Variants in ADGB observed in about 807,000 individuals in gnomAD.
ADGB encodes the protein calpain-7-like protein.
A neutral mutation model predicts 210.5 loss-of-function variants in ADGB; 172 were observed. The observed-to-expected ratio is 0.82, with a 90% confidence interval of 0.72 to 0.93. ADGB has a LOEUF of 0.93. ADGB is among the 40% of genes least tolerant of loss of function. ADGB has a pLI of 0.00. For missense variants in ADGB, 2,025 were observed against 1,964.8 expected (o/e 1.03, Z -0.58); for synonymous variants, 658 against 662.7 (o/e 0.99, Z 0.11).
chr6:146,706,748 T>C (rs1167159926), intron 13 of ADGB, among the ~76,000 whole-genome samples: 1 of 152,022 alleles, frequency 6.6e-6, no homozygotes, highest in Non-Finnish European at 1.5e-5. Flanking sequence ...TGCTTCCTTT[T>C]TTATTTCTGA....
At chr6:146,793,544 G>A (rs1777986985) in intron 33 of ADGB, among the ~76,000 whole-genome samples, 3 of 152,200 alleles carry the variant, frequency 2.0e-5, no homozygotes, top group South Asian at 2.1e-4. Flanking sequence ...GAAGTTATGA[G>A]TTGAGCTCAT....
chr6:146,807,509 A>C, intron 35 of ADGB: 1 of 1,551,650 alleles, frequency 6.4e-7, no homozygotes, highest in East Asian at 2.4e-5. Flanking sequence ...CTGCTCAGGA[A>C]GCCGCCATGA....
At position 146,675,206 on chromosome 6, in the gene ADGB, C is replaced by T. The variant is rs1037114473; in HGVS notation, c.1088-1107C>T. Among the ~76,000 whole-genome samples the T allele has an allele frequency of 1.1e-4, 17 of 152,134 alleles. No individual in the cohort carries two copies. In the East Asian group the frequency reaches 3.3e-3, roughly 29 times the overall value. ...TAGTTGCTCACACCTGTATTCCCAG[C>T]ACTTTAAGAGGCTGATGCAGGCAGA... On this transcript the variant is annotated intron_variant, in intron 8 of 35. Coordinates refer to ENST00000397944, the MANE Select transcript of ADGB (RefSeq NM_024694.4).
chr6:146,707,183 A>C (rs1331509714), intron 13 of ADGB, among the ~76,000 whole-genome samples: 2 of 151,976 alleles, frequency 1.3e-5, no homozygotes, highest in Non-Finnish European at 2.9e-5. Context: ...GACTCATTCC[A>C]TTGTGGTTAT....
At chr6:146,673,704 C>T (rs1194047314) in intron 8 of ADGB, among the ~76,000 whole-genome samples, 1 of 152,008 alleles carries the variant, frequency 6.6e-6, no homozygotes, top group African/African-American at 2.4e-5. Flanking sequence ...GGTAGAATTC[C>T]AAGCTGCAGA....
At chr6:146,807,122 A>G (rs1778223143) in intron 35 of ADGB, among the ~76,000 whole-genome samples, 1 of 152,230 alleles carries the variant, frequency 6.6e-6, no homozygotes, top group African/African-American at 2.4e-5. Flanking sequence ...TATTTGAAAT[A>G]ATTTAAACAG....
At chr6:146,614,095 G>A (rs888018579) in intron 1 of ADGB, among the ~76,000 whole-genome samples, 4 of 151,986 alleles carry the variant, frequency 2.6e-5, no homozygotes, top group African/African-American at 9.7e-5. Flanking sequence ...TGTATGAAAA[G>A]TTTAGTAACA....
chr6:146,640,111 A>G (rs34865758), intron 2 of ADGB, among the ~76,000 whole-genome samples: 28,501 of 151,974 alleles, frequency 0.19, 2,888 homozygotes, highest in East Asian at 0.24. Context: ...AAAAGCAGCT[A>G]TCAGAAACTA....
At chr6:146,783,337 A>G (rs1466406360) in intron 30 of ADGB, among the ~76,000 whole-genome samples, 1 of 152,166 alleles carries the variant, frequency 6.6e-6, no homozygotes, top group Admixed American at 6.5e-5. Flanking sequence ...TTCAGACTCC[A>G]GGAATGGTTC....
At chr6:146,752,406 A>C (rs2114612234) in intron 26 of ADGB, 124 bp from the exon 27 acceptor site, 1 of 861,244 alleles carries the variant, frequency 1.2e-6, no homozygotes, top group South Asian at 2.0e-5. Flanking sequence ...GCCCCACCTC[A>C]AACAGTGAGG....
At chr6:146,709,234 C>A (rs1026246859) in intron 13 of ADGB, among the ~76,000 whole-genome samples, 3 of 152,106 alleles carry the variant, frequency 2.0e-5, no homozygotes, top group Admixed American at 2.0e-4. Flanking sequence ...TTAGAGCTGG[C>A]TTTTGGTGCT....
chr6:146,750,837 A>G (rs1053263323), intron 26 of ADGB, among the ~76,000 whole-genome samples: 11 of 152,142 alleles, frequency 7.2e-5, no homozygotes, highest in Non-Finnish European at 1.6e-4. Context: ...TTCACAGAAA[A>G]TGCTATTATC....
chr6:146,699,647 A>G (rs998349889), intron 12 of ADGB, among the ~76,000 whole-genome samples: 1 of 151,968 alleles, frequency 6.6e-6, no homozygotes. Flanking sequence ...GCCAGCCAAG[A>G]TGGCACCTAA....
At chr6:146,687,246 T>G (rs538417584) in intron 10 of ADGB, among the ~76,000 whole-genome samples, 1 of 152,194 alleles carries the variant, frequency 6.6e-6, no homozygotes, top group Admixed American at 6.6e-5. Context: ...CTAAAGCCTC[T>G]CCCAAGTCAA....
chr6:146,778,617 T>C (rs1428939427), intron 29 of ADGB, among the ~76,000 whole-genome samples: 1 of 152,192 alleles, frequency 6.6e-6, no homozygotes, highest in African/African-American at 2.4e-5. Context: ...TACTCACTTT[T>C]AAATCAGTCA....
chr6:146,667,889 A>G (rs1370637309), intron 7 of ADGB, among the ~76,000 whole-genome samples: 1 of 152,084 alleles, frequency 6.6e-6, no homozygotes, highest in Non-Finnish European at 1.5e-5. Flanking sequence ...CATCATTTCA[A>G]ATGAGGAAAC....
chr6:146,606,598 C>T (rs967199849), intron 1 of ADGB, among the ~76,000 whole-genome samples: 1 of 152,136 alleles, frequency 6.6e-6, no homozygotes, highest in African/African-American at 2.4e-5. Context: ...GGAAGGGGTC[C>T]AGTTTCAATC....
chr6:146,731,797 T>C (rs1225487266), intron 20 of ADGB, among the ~76,000 whole-genome samples: 2 of 152,152 alleles, frequency 1.3e-5, no homozygotes, highest in African/African-American at 4.8e-5. Context: ...CCATATTCCC[T>C]GGTGGAATTA....
Position 146,685,773 on chromosome 6 carries a change from C to G in ADGB, c.1256C>G (p.Ala419Gly). ...AIQTSHMVVY[A>G]TFTPLYLFEN... is the part of the protein sequence containing the mutation. ...CAGACCTCTCATATGGTCGTATATG[C>G]GACATTTACACCTCTTTATTTGTTT... The change falls in exon 10 of 36, where the codon GCG becomes GGG. Residue 419 changes from alanine (A) to glycine (G), a missense_variant. Transcript: ENST00000397944. 1 of 1,540,452 alleles carries G rather than the reference C, an allele frequency of 6.5e-7. No individual in the cohort carries two copies. Among genetic ancestry groups the G allele is most frequent in the South Asian group, 1.2e-5 (1 of 82,514 alleles).
Sources: allele counts gnomAD v4.1 joint callset (sites outside exome capture counted in the v4.1 genomes callset), GRCh38; gene constraint gnomAD v4.1.1; transcripts MANE v1.5; gene names NCBI Gene and HGNC (gene_info 2026-07-23, HGNC 2026-07-21).